Variants in BAZ2B observed in about 807,000 individuals in gnomAD.
BAZ2B encodes bromodomain adjacent to zinc finger domain 2B, also known as bromodomain adjacent to zinc finger domain protein 2B.
A neutral mutation model predicts 246.0 loss-of-function variants in BAZ2B; 91 were observed. That is an observed-to-expected ratio of 0.37 (90% confidence interval 0.31 to 0.44). The LOEUF (loss-of-function observed/expected upper bound fraction) is 0.44. BAZ2B is among the 20% of genes least tolerant of loss of function. The pLI, the probability that BAZ2B is intolerant of heterozygous loss-of-function variation, is 1.00. For synonymous variants in BAZ2B, 855 were observed against 860.0 expected, an observed-to-expected ratio of 0.99 and a Z score of 0.10; for missense variants, 2,332 against 2,533.7, an observed-to-expected ratio of 0.92 and a Z score of 1.71.
chr2:159,428,222 C>A, intron 12 of BAZ2B, 89 bp downstream of exon 12: 1 of 1,225,948 alleles, frequency 8.2e-7, no homozygotes, highest in Non-Finnish European at 1.2e-6. Context: ...TATCAAGGAA[C>A]TTTATCTGAG....
chr2:159,357,446 A>G (rs540705542), intron 27 of BAZ2B, among the ~76,000 whole-genome samples: 1 of 151,822 alleles, frequency 6.6e-6, no homozygotes, highest in African/African-American at 2.4e-5. Flanking sequence ...GAAATGAACA[A>G]AGCTTCCAAG....
At chr2:159,510,006 T>C (rs1014558233) in intron 2 of BAZ2B, among the ~76,000 whole-genome samples, 2 of 151,878 alleles carry the variant, frequency 1.3e-5, no homozygotes, top group Admixed American at 6.6e-5. Flanking sequence ...TGCTATAACA[T>C]AGATGAACCC....
intron 1 of BAZ2B, among the ~76,000 whole-genome samples, chr2:159,574,768 G>A (rs1292031546): frequency 2.6e-5 from 4 of 151,912 alleles, no homozygotes; most frequent in Non-Finnish European, 4.4e-5. Flanking sequence ...GGTGGATGAC[G>A]AGGTCAAAAA....
At chr2:159,605,643 G>A (rs184542826) in intron 1 of BAZ2B, among the ~76,000 whole-genome samples, 49 of 151,736 alleles carry the variant, frequency 3.2e-4, no homozygotes, top group Admixed American at 1.5e-3. Flanking sequence ...TGTAGTCCCA[G>A]CTACTCAGGA....
intron 27 of BAZ2B, among the ~76,000 whole-genome samples, chr2:159,354,346 A>T (rs1018589620): frequency 1.1e-3 from 85 of 80,508 alleles, no homozygotes; most frequent in African/African-American, 3.2e-3. Flanking sequence ...ACCTCTAATT[A>T]AAAAAAATAT....
intron 2 of BAZ2B, among the ~76,000 whole-genome samples, chr2:159,524,207 G>A (rs186024688): frequency 4.6e-5 from 7 of 152,092 alleles, no homozygotes; most frequent in Non-Finnish European, 8.8e-5. Flanking sequence ...ATACATTGAC[G>A]CCAGGAGTTT....
rs2058392957 is a variant in BAZ2B at position 159,350,072 on chromosome 2, T to C, written c.4499A>G (p.Tyr1500Cys). Residue 1500 changes from tyrosine to cysteine, a missense_variant, in exon 28 of 37, where the codon TAT becomes TGT. Tyr to Cys is a radical substitution (Grantham distance 194). Around this residue, in one of 9 missense-constraint regions of BAZ2B, gnomAD observed 676 missense variants for 668.6 expected, o/e 1.01. Transcript: ENST00000392783. ...CAGTGAATGTTTTCCACTGTTCTGA[T>C]AAGACAACGTGCACCCATTTGCACC... is the stretch of plus-strand genomic sequence containing the variant. ...NAGANGCTLS[Y>C]QNSGKHSLGS... 6.2e-7 allele frequency: 1 copy of C among 1,614,148 alleles called. No homozygotes were observed.
In BAZ2B at chr2:159,616,440, TCTC is replaced by T. The variant is rs1559915846; in HGVS notation, c.-247_-245del. On this transcript the variant is annotated 5_prime_UTR_variant, in exon 1 of 37. Coordinates refer to ENST00000392783, the MANE Select transcript of BAZ2B (RefSeq NM_013450.4). ...ACTCCCTCCTTCTCCGTCTTCCGCC[TCTC>T]TCTCTCTGATTAGTTCCTATCCAGC... 75 of 152,112 alleles carry T rather than the reference TCTC, an allele frequency of 4.9e-4. No individual in the cohort carries two copies. Among genetic ancestry groups the T allele is most frequent in the African/African-American group, 1.7e-3 (71 of 41,408 alleles). 9.4% of individuals were successfully genotyped at this position (152,112 alleles called of 1,614,324 possible). A position where few individuals can be genotyped will look rare whatever the true frequency, so the allele number is the denominator to read the frequency against.
In BAZ2B at chr2:159,383,649, T is replaced by C. The variant is rs1460228964; in HGVS notation, c.3718A>G (p.Asn1240Asp). Residue 1240 changes from asparagine to aspartate, a missense_variant, in exon 24 of 37, where the codon AAC becomes GAC. Around this residue, in one of 9 missense-constraint regions of BAZ2B, gnomAD observed 328 missense variants for 410.4 expected, o/e 0.80. Coordinates refer to ENST00000392783, the MANE Select transcript of BAZ2B (RefSeq NM_013450.4). Reference protein sequence around the residue: ...EIDKNIDYMSNLRRDKWVVEG... With the variant: ...EIDKNIDYMSDLRRDKWVVEG... Reference sequence around the variant, plus strand: ...ACCACCCATTTATCTCTCCTCAAGTTTGACATATAATCAATGTTCTTGTCG... The same window carrying C: ...ACCACCCATTTATCTCTCCTCAAGTCTGACATATAATCAATGTTCTTGTCG... 6 of 1,611,650 alleles carry C rather than the reference T, an allele frequency of 3.7e-6. No individual in the cohort carries two copies. Among genetic ancestry groups the C allele is most frequent in the Non-Finnish European group, 5.1e-6 (6 of 1,178,796 alleles).
At chr2:159,622,183 C>A in the BAZ2B span, among the ~76,000 whole-genome samples, 9 of 142,214 alleles carry the variant, frequency 6.3e-5, no homozygotes, top group African/African-American at 2.3e-4. Context: ...GCAGAAGGAT[C>A]GCTTGAGTCC....
chr2:159,699,535 T>G, the BAZ2B span, among the ~76,000 whole-genome samples: 19 of 152,054 alleles, frequency 1.2e-4, no homozygotes, highest in Non-Finnish European at 2.6e-4. Context: ...AGACCCTGTC[T>G]CTTAGAGGAC....
At chr2:159,492,656 G>A (rs1481538361) in intron 2 of BAZ2B, among the ~76,000 whole-genome samples, 1 of 152,090 alleles carries the variant, frequency 6.6e-6, no homozygotes, top group Non-Finnish European at 1.5e-5. Context: ...ACAAAAATAT[G>A]ACAAGAAAAA....
intron 27 of BAZ2B, among the ~76,000 whole-genome samples, chr2:159,371,151 T>A (rs1199332216): frequency 6.6e-6 from 1 of 151,650 alleles, no homozygotes; most frequent in Non-Finnish European, 1.5e-5. Context: ...TGTATGTATT[T>A]ATTTATTTTT....
At chr2:159,526,948 C>T (rs2084811881) in intron 2 of BAZ2B, among the ~76,000 whole-genome samples, 1 of 148,414 alleles carries the variant, frequency 6.7e-6, no homozygotes, top group Non-Finnish European at 1.5e-5. Flanking sequence ...GTGTGTGTTT[C>T]TTCCTTTTTT....
intron 2 of BAZ2B, among the ~76,000 whole-genome samples, chr2:159,506,653 A>C (rs2082357739): frequency 6.6e-6 from 1 of 152,178 alleles, no homozygotes; most frequent in Non-Finnish European, 1.5e-5. Context: ...AGAAAAGCTT[A>C]AAAAAGAAAG....
At chr2:159,674,153 A>G in the BAZ2B span, among the ~76,000 whole-genome samples, 130,792 of 151,748 alleles carry the variant, frequency 0.86, 56,588 homozygotes, top group Middle Eastern at 0.95. Flanking sequence ...AGACCAGCCT[A>G]GGCAACATAG....
At chr2:159,536,894 T>C (rs2086062558) in intron 2 of BAZ2B, among the ~76,000 whole-genome samples, 1 of 152,232 alleles carries the variant, frequency 6.6e-6, no homozygotes, top group Admixed American at 6.5e-5. Flanking sequence ...GAAAGCAATC[T>C]TTAATATTTA....
At chr2:159,560,572 C>CT (rs768908340) in intron 1 of BAZ2B, among the ~76,000 whole-genome samples, 296 of 142,906 alleles carry the variant, frequency 2.1e-3, no homozygotes, top group Admixed American at 1.9e-3. Flanking sequence ...TATAAAGCAA[C>CT]TTTTTTTTTT....
chr2:159,560,487 C>T (rs1310842580), intron 1 of BAZ2B, among the ~76,000 whole-genome samples: 1 of 151,966 alleles, frequency 6.6e-6, no homozygotes, highest in Non-Finnish European at 1.5e-5. Context: ...GGACCATGGA[C>T]ATGGAGAAGT....
Sources: allele counts gnomAD v4.1 joint callset (sites outside exome capture counted in the v4.1 genomes callset), GRCh38; gene constraint gnomAD v4.1.1; regional missense constraint gnomAD v4.1.1; transcripts MANE v1.5; gene names NCBI Gene and HGNC (gene_info 2026-07-23, HGNC 2026-07-21).